The following NPAS3 variants were observed in gnomAD, a reference collection of about 807,000 sequenced individuals.
NPAS3 encodes neuronal PAS domain protein 3, also known as neuronal PAS domain-containing protein 3.
Under a neutral mutation model 73.1 loss-of-function variants are expected in NPAS3, and 14 were observed. The ratio of observed to expected loss-of-function variants is 0.19; its 90% CI spans 0.13 to 0.30. NPAS3 has a LOEUF of 0.30. Among genes scored for constraint, NPAS3 ranks in the 10% least tolerant of loss-of-function variants. NPAS3 has a pLI of 1.00. For synonymous variants in NPAS3, 620 were observed against 541.5 expected (o/e 1.14, Z -2.01); for missense variants, 1,096 against 1,250.0 (o/e 0.88, Z 1.86).
At chr14:33,445,990 A>C (rs955270101) in intron 4 of NPAS3, among the ~76,000 whole-genome samples, 10 of 148,358 alleles carry the variant, frequency 6.7e-5, no homozygotes, top group African/African-American at 1.5e-4. Flanking sequence ...TGCCATTTAC[A>C]GTTTTTGTGG....
chr14:33,644,971 C>T (rs1009429048), intron 5 of NPAS3, among the ~76,000 whole-genome samples: 7 of 151,400 alleles, frequency 4.6e-5, no homozygotes, highest in Admixed American at 4.6e-4. Flanking sequence ...ATCCCAGCTA[C>T]TTGGGAGGCT....
intron 5 of NPAS3, among the ~76,000 whole-genome samples, chr14:33,653,286 G>A (rs10150948): frequency 0.44 from 66,183 of 152,056 alleles, 14,565 homozygotes; most frequent in Non-Finnish European, 0.46. Context: ...AGCATGGTGC[G>A]TCTTTATCCT....
chr14:33,301,306 T>TTTTATATATATATATATATATATA (rs1555370609), intron 3 of NPAS3, among the ~76,000 whole-genome samples: 3 of 81,146 alleles, frequency 3.7e-5, no homozygotes, highest in African/African-American at 1.9e-4. Context: ...GGTTTTATCA[T>TTTTATATATATATATATATATATA]TATATATATA....
chr14:33,629,234 CAAAA>C (rs372236952), intron 5 of NPAS3, among the ~76,000 whole-genome samples: 1 of 81,046 alleles, frequency 1.2e-5, no homozygotes, highest in Non-Finnish European at 2.6e-5. Flanking sequence ...GACTCCATCT[CAAAA>C]AAAAAAAAAA....
At chr14:33,183,738 C>A (rs144906061) in intron 2 of NPAS3, among the ~76,000 whole-genome samples, 1 of 152,198 alleles carries the variant, frequency 6.6e-6, no homozygotes, top group East Asian at 1.9e-4. Flanking sequence ...CCTTTCAAGA[C>A]CTGTCATTGC....
At chr14:33,728,698 G>T (rs2061332507) in intron 6 of NPAS3, among the ~76,000 whole-genome samples, 1 of 152,206 alleles carries the variant, frequency 6.6e-6, no homozygotes. Flanking sequence ...CATGGTAGAA[G>T]ACAGGCCAGT....
At chr14:33,621,792 A>T (rs1283188625) in intron 5 of NPAS3, among the ~76,000 whole-genome samples, 1 of 152,224 alleles carries the variant, frequency 6.6e-6, no homozygotes, top group Admixed American at 6.5e-5. Context: ...ACATAAGTAA[A>T]GGCGAAATTC....
At chr14:33,695,046 C>CAACT (rs1425743438) in intron 6 of NPAS3, among the ~76,000 whole-genome samples, 1 of 152,134 alleles carries the variant, frequency 6.6e-6, no homozygotes, top group African/African-American at 2.4e-5. Context: ...TCTGGCCATA[C>CAACT]AACTAACTGA....
At chr14:33,306,865 G>C (rs991857807) in intron 3 of NPAS3, among the ~76,000 whole-genome samples, 4 of 152,154 alleles carry the variant, frequency 2.6e-5, no homozygotes, top group Non-Finnish European at 5.9e-5. Context: ...TGAGAGGGAA[G>C]GTTGGGAAGG....
chr14:33,774,539 T>TTTTTG lies in NPAS3; in HGVS notation c.1046+14_1046+18dup, dbSNP rs2062752750. 6.2e-7 allele frequency: 1 copy of TTTTTG among 1,611,036 alleles called. No individual in the cohort carries two copies. Among genetic ancestry groups the TTTTTG allele is most frequent in the Admixed American group, 1.7e-5 (1 of 59,974 alleles). On this transcript the variant is annotated intron_variant, in intron 8 of 11. Transcript: ENST00000356141. Reference sequence around the variant, plus strand: ...ATTTACTGTGAAAATAGGTACTTTGTTTTTGTTTTCATTTGCCCTGTTGCA... The same window carrying TTTTTG: ...ATTTACTGTGAAAATAGGTACTTTGTTTTTGTTTTGTTTTCATTTGCCCTGTTGCA...
chr14:33,647,217 G>T (rs148262550), intron 5 of NPAS3, among the ~76,000 whole-genome samples: 1 of 151,480 alleles, frequency 6.6e-6, no homozygotes, highest in South Asian at 2.1e-4. Flanking sequence ...GCACCAAATG[G>T]CATAGCACAG....
chr14:33,219,940 T>A lies in NPAS3; in HGVS notation c.385+4514T>A, dbSNP rs188219014. Among the ~76,000 whole-genome samples, 556 of 152,320 alleles carry A rather than the reference T, an allele frequency of 3.7e-3. 2 individuals carry two copies. The highest frequency in any genetic ancestry group is 0.014 in the Middle Eastern group (4 of 294). ...TCCTGTTGCTGTTGTGGCATTTTCC[T>A]GTGTGCTGACATACATTTACTTCTA... On this transcript the variant is annotated intron_variant, in intron 3 of 11. Transcript: ENST00000356141.
intron 7 of NPAS3, among the ~76,000 whole-genome samples, chr14:33,759,031 G>A (rs546867670): frequency 7.2e-5 from 11 of 152,254 alleles, no homozygotes; most frequent in South Asian, 4.1e-4. Flanking sequence ...AAATTGATTC[G>A]AAGGGTAGAT....
At position 33,270,795 on chromosome 14, in the gene NPAS3, C is replaced by T. The variant is rs116060437; in HGVS notation, c.385+55369C>T. Among the ~76,000 whole-genome samples, 583 of 152,188 alleles carry T rather than the reference C, an allele frequency of 3.8e-3. 2 individuals carry two copies. Among genetic ancestry groups the T allele is most frequent in the East Asian group, 0.016 (85 of 5,172 alleles). ...ATTTGACAGGCCATCCTAGAATGGA[C>T]GATGTCCTGTCTGCAGATATCTCAG... is the stretch of plus-strand genomic sequence containing the variant. On this transcript the variant is annotated intron_variant, in intron 3 of 11. Coordinates refer to ENST00000356141, the Ensembl canonical transcript of NPAS3.
At chr14:33,646,923 C>CA (rs2058845802) in intron 5 of NPAS3, among the ~76,000 whole-genome samples, 1 of 152,066 alleles carries the variant, frequency 6.6e-6, no homozygotes, top group African/African-American at 2.4e-5. Context: ...ACTCAGGCAG[C>CA]AAAGATTATT....
chr14:33,102,926 G>T (rs1191714254), intron 2 of NPAS3, among the ~76,000 whole-genome samples: 1 of 152,092 alleles, frequency 6.6e-6, no homozygotes, highest in Non-Finnish European at 1.5e-5. Flanking sequence ...TAACACAAGG[G>T]TTTTTTTGCA....
intron 4 of NPAS3, among the ~76,000 whole-genome samples, chr14:33,463,671 G>A (rs951029126): frequency 2.0e-5 from 3 of 152,114 alleles, no homozygotes; most frequent in Non-Finnish European, 4.4e-5. Flanking sequence ...ATAAACTGAG[G>A]CAAAGAAAAT....
At chr14:33,026,158 A>G (rs1396909700) in intron 1 of NPAS3, among the ~76,000 whole-genome samples, 1 of 152,222 alleles carries the variant, frequency 6.6e-6, no homozygotes, top group African/African-American at 2.4e-5. Flanking sequence ...TATTTACATA[A>G]GATGACCATT....
intron 2 of NPAS3, among the ~76,000 whole-genome samples, chr14:33,074,976 A>G (rs2041609725): frequency 6.6e-6 from 1 of 152,166 alleles, no homozygotes; most frequent in Non-Finnish European, 1.5e-5. Context: ...TTTCCTTAGA[A>G]CTTGTAATTG....
Sources: gnomAD v4.1 joint callset for allele counts (sites outside exome capture counted in the v4.1 genomes callset) on GRCh38, gnomAD v4.1.1 for gene constraint, MANE v1.5 for transcripts, NCBI Gene and HGNC (gene_info 2026-07-23, HGNC 2026-07-21) for gene names.